IL1RAPL2: variants seen among roughly 807,000 people sequenced by gnomAD.
IL1RAPL2 encodes interleukin 1 receptor accessory protein like 2.
In IL1RAPL2, 3 loss-of-function variants were observed where a neutral mutation model predicts 44.1. The ratio of observed to expected loss-of-function variants is 0.07; its 90% confidence interval spans 0.03 to 0.18. The LOEUF (loss-of-function observed/expected upper bound fraction) is 0.18. Ranked by LOEUF, IL1RAPL2 falls within the 10% of genes least tolerant of loss-of-function variation. The pLI is 1.00. For missense variants in IL1RAPL2, 391 were observed against 496.4 expected (o/e 0.79, Z 2.02); for synonymous variants, 181 against 178.8 (o/e 1.01, Z -0.10).
At chrX:105,319,100 G>A (rs1301406664) in intron 5 of IL1RAPL2, among the ~76,000 whole-genome samples, 2 of 112,024 alleles carry the variant, frequency 1.8e-5, no homozygotes, top group Non-Finnish European at 3.8e-5. Context: ...GATATTGTGC[G>A]GCTGCACTAT....
intron 2 of IL1RAPL2, among the ~76,000 whole-genome samples, chrX:104,912,465 T>C (rs1266532033): frequency 9.0e-6 from 1 of 111,242 alleles, no homozygotes; most frequent in Non-Finnish European, 1.9e-5. Context: ...TGGACTAGTA[T>C]AAGTATTAAT....
At chrX:105,579,093 C>T (rs936997830) in intron 6 of IL1RAPL2, among the ~76,000 whole-genome samples, 15 of 111,733 alleles carry the variant, frequency 1.3e-4, no homozygotes, top group Non-Finnish European at 2.4e-4. Context: ...CTACTCCCTA[C>T]TTACATTTAC....
intron 1 of IL1RAPL2, among the ~76,000 whole-genome samples, chrX:104,599,511 G>A (rs1039834790): frequency 9.0e-6 from 1 of 110,563 alleles, no homozygotes; most frequent in Admixed American, 9.7e-5. Context: ...GCCTTTCAAA[G>A]TGCTGGGATC....
intron 2 of IL1RAPL2, among the ~76,000 whole-genome samples, chrX:104,875,069 G>A (rs1380610269): frequency 9.0e-6 from 1 of 111,670 alleles, no homozygotes; most frequent in African/African-American, 3.3e-5. Flanking sequence ...TATTATAAAA[G>A]AAGAGGTTTT....
Position 105,655,297 on chromosome X carries a change from G to A in IL1RAPL2, c.773-62070G>A, listed in dbSNP as rs2037669843. Among the ~76,000 whole-genome samples the A allele has an allele frequency of 2.7e-5, 3 of 112,062 alleles. No individual in the cohort carries two copies. The Admixed American group carries it at 2.8e-4, about 11-fold the overall frequency. On this transcript the variant is annotated intron_variant, in intron 6 of 10. Transcript: ENST00000372582. ...AGTCTGTGACAGTGGAAACTTATGG[G>A]GCACCCCATCTCTCCCACCATATAA...
intron 6 of IL1RAPL2, among the ~76,000 whole-genome samples, chrX:105,685,422 A>G (rs2037962603): frequency 8.9e-6 from 1 of 112,025 alleles, no homozygotes; most frequent in Non-Finnish European, 1.9e-5. Flanking sequence ...GGAAGTTTCA[A>G]TAGCCGATTC....
Position 105,273,297 on chromosome X carries a change from C to G in IL1RAPL2, c.697+5756C>G, listed in dbSNP as rs780272960. Among the ~76,000 whole-genome samples the G allele has an allele frequency of 2.7e-5, 3 of 110,944 alleles. No homozygotes were observed. The East Asian group carries it at 8.6e-4, about 32-fold the overall frequency. ...GACTCATAAGCAAGTTTGTCTTTGA[C>G]CTTTTCCTGCCCTCCTGTCTCTCAG... is the stretch of plus-strand genomic sequence containing the variant. On this transcript the variant is annotated intron_variant, in intron 5 of 10. Transcript: ENST00000372582.
chrX:105,080,950 T>C (rs2032397020), intron 2 of IL1RAPL2, among the ~76,000 whole-genome samples: 1 of 111,572 alleles, frequency 9.0e-6, no homozygotes, highest in Non-Finnish European at 1.9e-5. Context: ...GTAAGTTGTA[T>C]TCCTAGGTAT....
intron 2 of IL1RAPL2, among the ~76,000 whole-genome samples, chrX:105,194,622 C>T (rs190516954): frequency 1.8e-5 from 2 of 111,223 alleles, no homozygotes; most frequent in African/African-American, 6.5e-5. Context: ...TTCCCATGAG[C>T]ACTCGGCAGC....
chrX:105,208,732 A>G (rs1205936359), intron 3 of IL1RAPL2, among the ~76,000 whole-genome samples: 1 of 111,991 alleles, frequency 8.9e-6, no homozygotes, highest in Non-Finnish European at 1.9e-5. Context: ...GATATAGTAT[A>G]TACATTTTTA....
chrX:104,768,079 T>C (rs1034711960), intron 2 of IL1RAPL2, among the ~76,000 whole-genome samples: 7 of 112,178 alleles, frequency 6.2e-5, no homozygotes, highest in African/African-American at 2.3e-4. Flanking sequence ...TGTTTTGAAA[T>C]AGGTATACAT....
intron 5 of IL1RAPL2, among the ~76,000 whole-genome samples, chrX:105,268,702 A>G (rs904196482): frequency 9.0e-6 from 1 of 111,332 alleles, no homozygotes; most frequent in African/African-American, 3.3e-5. Context: ...CAGGAGGCAG[A>G]GTTTGCAGTG....
chrX:104,684,454 G>A (rs1006773555), intron 2 of IL1RAPL2, among the ~76,000 whole-genome samples: 5 of 111,441 alleles, frequency 4.5e-5, no homozygotes, highest in African/African-American at 1.3e-4. Context: ...AACCCCTAAT[G>A]TACATCTCCT....
chrX:104,591,307 C>T (rs1272859107), intron 1 of IL1RAPL2, among the ~76,000 whole-genome samples: 1 of 111,083 alleles, frequency 9.0e-6, no homozygotes, highest in Non-Finnish European at 1.9e-5. Flanking sequence ...ACTCCCCACT[C>T]CCATAACCAA....
intron 2 of IL1RAPL2, among the ~76,000 whole-genome samples, chrX:104,932,808 G>T (rs1354991505): frequency 8.9e-6 from 1 of 112,140 alleles, no homozygotes; most frequent in Non-Finnish European, 1.9e-5. Context: ...GTTTGGGCTG[G>T]GAAATTTCTG....
intron 2 of IL1RAPL2, among the ~76,000 whole-genome samples, chrX:104,791,546 G>C (rs1250928714): frequency 1.8e-5 from 2 of 111,717 alleles, no homozygotes; most frequent in Non-Finnish European, 3.8e-5. Context: ...GTGTCCCTCT[G>C]TGGCTCTGAT....
intron 2 of IL1RAPL2, among the ~76,000 whole-genome samples, chrX:104,921,323 G>A (rs1344163623): frequency 1.8e-5 from 2 of 108,753 alleles, no homozygotes; most frequent in African/African-American, 6.7e-5. Context: ...CAGGGCCAGG[G>A]AATGCTCACA....
chrX:105,374,115 CAAAA>C (rs1177602549), intron 5 of IL1RAPL2, among the ~76,000 whole-genome samples: 7 of 45,351 alleles, frequency 1.5e-4, no homozygotes, highest in Admixed American at 2.9e-4. Context: ...GCAAGACTGT[CAAAA>C]AAAAAAAAAA....
At chrX:105,173,022 T>C (rs2033438369) in intron 2 of IL1RAPL2, among the ~76,000 whole-genome samples, 1 of 110,903 alleles carries the variant, frequency 9.0e-6, no homozygotes. Flanking sequence ...TAATAATTTG[T>C]GGTCTAGGTG....
Sources: gnomAD v4.1 joint callset for allele counts (sites outside exome capture counted in the v4.1 genomes callset) on GRCh38, gnomAD v4.1.1 for gene constraint, MANE v1.5 for transcripts, NCBI Gene and HGNC (gene_info 2026-07-23, HGNC 2026-07-21) for gene names.